SUMF1: variants seen among roughly 807,000 people sequenced by gnomAD.
The protein encoded by SUMF1 is sulfatase modifying factor 1.
In SUMF1, 48 loss-of-function variants were observed where a neutral mutation model predicts 47.6. The ratio of observed to expected loss-of-function variants is 1.01; its 90% CI spans 0.80 to 1.28. The LOEUF (loss-of-function observed/expected upper bound fraction) is 1.28, where lower values mean the gene tolerates loss of function less well. Ranked by LOEUF, SUMF1 falls within the 50% of genes most tolerant of loss-of-function variation. SUMF1 has a pLI of 0.00. For synonymous variants in SUMF1, 230 were observed against 192.1 expected (o/e 1.20, Z -1.63); for missense variants, 571 against 485.4 (o/e 1.18, Z -1.66).
At chr3:4,240,692 A>G (rs1333889646) in intron 8 of SUMF1, among the ~76,000 whole-genome samples, 2 of 152,020 alleles carry the variant, frequency 1.3e-5, no homozygotes, top group Non-Finnish European at 2.9e-5. Context: ...TATTATACCC[A>G]TTTCATAAAA....
intron 9 of SUMF1, among the ~76,000 whole-genome samples, chr3:4,059,197 T>A (rs1369142422): frequency 6.6e-6 from 1 of 152,146 alleles, no homozygotes; most frequent in Non-Finnish European, 1.5e-5. Flanking sequence ...AAATTCAGCA[T>A]AAGGCTCATA....
rs1699544550 is a variant in SUMF1, at chr3:4,353,305, T to G, written c.1014+23025A>C. ...TCTCACTCTGTCGCCCAGGCTGGAG[T>G]ACAGTGGCGTGATCTCCGCTCACTG... On this transcript the variant is annotated intron_variant and NMD_transcript_variant, in intron 8 of 12. Coordinates refer to the SUMF1 transcript ENST00000448413. Among the ~76,000 whole-genome samples, 4 of 152,246 alleles carry G rather than the reference T, an allele frequency of 2.6e-5. No individual in the cohort carries two copies. In the South Asian group the frequency reaches 8.3e-4, roughly 32 times the overall value.
intron 8 of SUMF1, among the ~76,000 whole-genome samples, chr3:4,107,278 G>C (rs1044493358): frequency 5.3e-5 from 8 of 152,100 alleles, no homozygotes; most frequent in African/African-American, 1.7e-4. Flanking sequence ...TTTTCCTTAG[G>C]AGAGCTGTGC....
At chr3:4,314,831 C>T (rs1286249701) in intron 8 of SUMF1, among the ~76,000 whole-genome samples, 1 of 152,100 alleles carries the variant, frequency 6.6e-6, no homozygotes, top group Non-Finnish European at 1.5e-5. Context: ...TTACTAGAGC[C>T]CCTATGATAT....
intron 8 of SUMF1, among the ~76,000 whole-genome samples, chr3:4,364,129 T>C (rs2125182711): frequency 7.1e-6 from 1 of 141,028 alleles, no homozygotes; most frequent in South Asian, 2.5e-4. Context: ...GGTTTGCCAG[T>C]ATTTTATTGA....
At chr3:4,182,690 G>A (rs906100702) in intron 8 of SUMF1, among the ~76,000 whole-genome samples, 1 of 152,108 alleles carries the variant, frequency 6.6e-6, no homozygotes, top group Admixed American at 6.5e-5. Context: ...TTTCAGGCAT[G>A]ATGGCAGGAC....
chr3:4,394,335 T>C (rs1700973264), intron 7 of SUMF1, among the ~76,000 whole-genome samples: 1 of 152,036 alleles, frequency 6.6e-6, no homozygotes, highest in Admixed American at 6.6e-5. Flanking sequence ...TTTTAAATTT[T>C]TGGGTAAAGA....
intron 8 of SUMF1, among the ~76,000 whole-genome samples, chr3:4,335,088 G>A (rs1354053183): frequency 2.6e-5 from 4 of 152,266 alleles, no homozygotes; most frequent in East Asian, 1.9e-4. Flanking sequence ...AGGGATTTCA[G>A]TTGACATAAG....
chr3:4,146,766 T>A (rs1244507922), intron 8 of SUMF1, among the ~76,000 whole-genome samples: 4 of 143,848 alleles, frequency 2.8e-5, no homozygotes, highest in Non-Finnish European at 6.0e-5. Context: ...AATTCCCACC[T>A]ATGAGTGAGA....
At chr3:4,189,630 G>A (rs909913361) in intron 8 of SUMF1, among the ~76,000 whole-genome samples, 1 of 152,024 alleles carries the variant, frequency 6.6e-6, no homozygotes, top group Non-Finnish European at 1.5e-5. Context: ...GGTGGAGAAA[G>A]TTAAAATATA....
chr3:4,411,703 A>G (rs1335691855), intron 6 of SUMF1, among the ~76,000 whole-genome samples: 31 of 123,946 alleles, frequency 2.5e-4, no homozygotes, highest in Non-Finnish European at 4.2e-4. Context: ...GGAGAGCAGG[A>G]GGAAAAAAAA....
rs138874753 is a variant in SUMF1 at position 4,314,842 on chromosome 3, T to C, written c.1014+61488A>G. Among the ~76,000 whole-genome samples the C allele has an allele frequency of 1.1e-3, 161 of 152,322 alleles. 1 individual carries two copies. The highest frequency in any genetic ancestry group is 3.6e-3 in the African/African-American group (150 of 41,578). ...ATAATTACTAGAGCCCCTATGATAT[T>C]ATTAAGTAATTTAATTTCTTCTCTA... On this transcript the variant is annotated intron_variant and NMD_transcript_variant, in intron 8 of 12. Coordinates refer to the SUMF1 transcript ENST00000448413.
chr3:4,457,060 A>ACATATATATACGTGTGTGTG (rs2079675259), intron 1 of SUMF1, among the ~76,000 whole-genome samples: 2 of 88,140 alleles, frequency 2.3e-5, no homozygotes, highest in Non-Finnish European at 3.1e-5. Flanking sequence ...ACGTGTGTGT[A>ACATATATATACGTGTGTGTG]TATATATATA....
intron 4 of SUMF1, among the ~76,000 whole-genome samples, chr3:4,418,622 T>C (rs1645812710): frequency 6.6e-6 from 1 of 152,244 alleles, no homozygotes. Flanking sequence ...TGGTTGGACC[T>C]GCATTGTGGC....
intron 8 of SUMF1, among the ~76,000 whole-genome samples, chr3:4,237,536 A>T (rs1418707189): frequency 1.3e-5 from 2 of 152,034 alleles, no homozygotes; most frequent in African/African-American, 4.8e-5. Context: ...ATAGTCCTTT[A>T]TCATACATGT....
chr3:4,197,783 G>GA (rs1344813786), intron 8 of SUMF1, among the ~76,000 whole-genome samples: 2 of 152,160 alleles, frequency 1.3e-5, no homozygotes, highest in East Asian at 3.9e-4. Flanking sequence ...ACACTCTTCA[G>GA]AAAAACCAAG....
chr3:4,186,415 C>T (rs1237228261), intron 8 of SUMF1, among the ~76,000 whole-genome samples: 1 of 152,118 alleles, frequency 6.6e-6, no homozygotes, highest in Admixed American at 6.6e-5. Flanking sequence ...AGACATAACC[C>T]ATACAGTGGC....
At chr3:4,229,098 T>C (rs1223926870) in intron 8 of SUMF1, among the ~76,000 whole-genome samples, 2 of 152,078 alleles carry the variant, frequency 1.3e-5, no homozygotes, top group Non-Finnish European at 2.9e-5. Flanking sequence ...CCTCCAGGAA[T>C]ATAAACTCCA....
chr3:4,180,683 A>ACACACACACACACACACACACAC (rs1553606607), intron 8 of SUMF1, among the ~76,000 whole-genome samples: 1 of 139,642 alleles, frequency 7.2e-6, no homozygotes, highest in Non-Finnish European at 1.5e-5. Flanking sequence ...CCTAGAACTT[A>ACACACACACACACACACACACAC]ACACACACAC....
Sources: allele counts gnomAD v4.1 joint callset (sites outside exome capture counted in the v4.1 genomes callset), GRCh38; gene constraint gnomAD v4.1.1; transcripts MANE v1.5; gene names NCBI Gene and HGNC (gene_info 2026-07-23, HGNC 2026-07-21).